The following FAM178B variants were observed in gnomAD, a reference collection of about 807,000 sequenced individuals.
FAM178B encodes family with sequence similarity 178 member B.
Under a neutral mutation model 91.7 loss-of-function variants are expected in FAM178B, and 82 were observed. That is an observed-to-expected ratio of 0.89 (90% CI 0.75 to 1.07). The LOEUF is 1.07. Among genes scored for constraint, FAM178B ranks in the 50% least tolerant of loss-of-function variants. The pLI, the probability that FAM178B is intolerant of heterozygous loss-of-function variation, is 0.00. For synonymous variants in FAM178B, 368 were observed against 359.4 expected (o/e 1.02, Z -0.27); for missense variants, 769 against 846.7 (o/e 0.91, Z 1.14).
rs2082424303 is a variant in FAM178B at position 96,986,364 on chromosome 2, A to G, written c.-51T>C. ...GTGAGGGAGGGTGGCGGGAATTCGCACGGCCTCAGAGGACGGGGCCAGCTA... is the reference window on the plus strand; with the variant it reads ...GTGAGGGAGGGTGGCGGGAATTCGCGCGGCCTCAGAGGACGGGGCCAGCTA... On this transcript the variant is annotated 5_prime_UTR_variant, in exon 1 of 17. Coordinates refer to ENST00000490605, the MANE Select transcript of FAM178B (RefSeq NM_001122646.3). 1 of 1,524,588 alleles carries G rather than the reference A, an allele frequency of 6.6e-7. No homozygotes were observed. Among genetic ancestry groups the G allele is most frequent in the South Asian group, 1.2e-5 (1 of 82,962 alleles). The allele number at this position is 1,524,588 out of a possible 1,614,324, so 94.4% of individuals were successfully genotyped here. A position where few individuals can be genotyped will look rare whatever the true frequency, so the allele number is the denominator to read the frequency against.
intron 10 of FAM178B, 56 bp from the exon 11 acceptor site, chr2:96,921,710 T>G: frequency 6.6e-7 from 1 of 1,508,782 alleles, no homozygotes; most frequent in Non-Finnish European, 9.0e-7. Context: ...GGGAGAGTAC[T>G]TCGAGGACCA....
chr2:96,965,858 C>T lies in FAM178B; in HGVS notation c.734+1662G>A, dbSNP rs576418472. Reference sequence around the variant, plus strand: ...TTTGAGTCCTCTCTTACTCCTAGACCTTCCATCCATTTGTCAGCAAATCCT... The same window carrying T: ...TTTGAGTCCTCTCTTACTCCTAGACTTTCCATCCATTTGTCAGCAAATCCT... On this transcript the variant is annotated intron_variant, in intron 5 of 16. Transcript: ENST00000490605. 5.3e-4 allele frequency among the ~76,000 whole-genome samples: 80 copies of T among 152,196 alleles called. 1 individual carries two copies. Among genetic ancestry groups the T allele is most frequent in the South Asian group, 1.7e-3 (8 of 4,822 alleles).
intron 14 of FAM178B, among the ~76,000 whole-genome samples, chr2:96,884,940 G>A (rs936750730): frequency 6.6e-6 from 1 of 152,250 alleles, no homozygotes; most frequent in Non-Finnish European, 1.5e-5. Context: ...ACTAGGAAAT[G>A]AGGCGGGTGA....
chr2:96,914,805 A>T (rs770736237), intron 12 of FAM178B, among the ~76,000 whole-genome samples: 6 of 152,136 alleles, frequency 3.9e-5, no homozygotes, highest in Non-Finnish European at 8.8e-5. Context: ...CAGGAGGATC[A>T]CTTAAGCCCA....
At chr2:96,927,215 C>G (rs562871420) in intron 9 of FAM178B, among the ~76,000 whole-genome samples, 2 of 152,290 alleles carry the variant, frequency 1.3e-5, no homozygotes, top group South Asian at 4.1e-4. Flanking sequence ...GCCCAGGAAA[C>G]CTACCCAGGC....
intron 1 of FAM178B, among the ~76,000 whole-genome samples, chr2:96,974,820 T>TG (rs1475466448): frequency 6.6e-6 from 1 of 152,142 alleles, no homozygotes; most frequent in African/African-American, 2.4e-5. Context: ...CCAGGAGCAG[T>TG]GGCTCACACC....
chr2:96,946,829 A>C (rs951175531), intron 8 of FAM178B, among the ~76,000 whole-genome samples: 1 of 152,246 alleles, frequency 6.6e-6, no homozygotes, highest in Non-Finnish European at 1.5e-5. Context: ...GGGAGAGGGC[A>C]CTGAGACTGG....
Position 96,894,019 on chromosome 2 carries a change from C to T in FAM178B, c.1683G>A (p.Met561Ile), listed in dbSNP as rs2153368572. Residue 561 changes from methionine to isoleucine, a missense_variant, in exon 14 of 17, where the codon ATG becomes ATA. Transcript: ENST00000490605. ...LSSLSRLLGLMRPSSLRQYLD... is the reference protein window; with the variant it reads ...LSSLSRLLGLIRPSSLRQYLD... ...GGTATTGCCTGAGAGATGATGGCCT[C>T]ATGAGGCCCAGGAGCCGGCTGAGCG... 1.9e-6 allele frequency: 3 copies of T among 1,612,240 alleles called. No homozygotes were observed. In the East Asian group the frequency reaches 6.7e-5, roughly 36 times the overall value.
intron 12 of FAM178B, among the ~76,000 whole-genome samples, chr2:96,905,818 G>GTGTATATA (rs1260782317): frequency 2.6e-4 from 9 of 34,192 alleles, no homozygotes; most frequent in East Asian, 1.0e-3. Context: ...ATATATGTGT[G>GTGTATATA]TATATATATA....
chr2:96,968,077 C>A (rs1257010), intron 4 of FAM178B, among the ~76,000 whole-genome samples: 80,387 of 151,426 alleles, frequency 0.53, 27,446 homozygotes, highest in Non-Finnish European at 0.76. Flanking sequence ...GGCAAGCACT[C>A]GGATTCGTTC....
chr2:96,953,791 C>G (rs1178122806), intron 6 of FAM178B, among the ~76,000 whole-genome samples: 1 of 152,230 alleles, frequency 6.6e-6, no homozygotes, highest in Non-Finnish European at 1.5e-5. Context: ...GGCTCAGCCA[C>G]AAGCCCTTCC....
intron 4 of FAM178B, among the ~76,000 whole-genome samples, 192 bp from the exon 5 acceptor site, chr2:96,967,819 T>C (rs1208697523): frequency 6.6e-6 from 1 of 151,822 alleles, no homozygotes; most frequent in Non-Finnish European, 1.5e-5. Context: ...AGACTGTGCT[T>C]TCCCCAAATG....
chr2:96,969,627 T>C (rs2082190213), intron 4 of FAM178B, among the ~76,000 whole-genome samples: 1 of 152,198 alleles, frequency 6.6e-6, no homozygotes, highest in South Asian at 2.1e-4. Flanking sequence ...GCCAATATTT[T>C]CAAGCGTCTA....
At position 96,935,569 on chromosome 2, in the gene FAM178B, A is replaced by G. The variant is rs117870279; in HGVS notation, c.1079-6249T>C. Among the ~76,000 whole-genome samples the G allele has an allele frequency of 2.8e-3, 424 of 152,012 alleles. 19 individuals are homozygous for G. In the East Asian group the frequency reaches 0.05, roughly 18 times the overall value. ...GTTGAGACTGGTTTAGACTCAACCT[A>G]AGAGTTTCCCAGTAATGTCCCTAAA... is the stretch of plus-strand genomic sequence containing the variant. On this transcript the variant is annotated intron_variant, in intron 8 of 16. Coordinates refer to ENST00000490605, the MANE Select transcript of FAM178B (RefSeq NM_001122646.3).
At position 96,878,458 on chromosome 2, in the gene FAM178B, G is replaced by A. The variant is rs772401402; in HGVS notation, c.1812C>T (p.Ala604=). The change falls in exon 15 of 17, where the codon GCC becomes GCT. Residue 604 remains alanine, a synonymous_variant. Transcript: ENST00000490605. The part of the protein sequence containing the change: ...CYLCHSLLML[A]GVVVSCQDIT... ...TGTCCTGGCAGCTAACAACTACCCCGGCCAGCATCAGCAAGCTGTGGCACA... is the reference window on the plus strand; with the variant it reads ...TGTCCTGGCAGCTAACAACTACCCCAGCCAGCATCAGCAAGCTGTGGCACA... 3.9e-5 allele frequency: 63 copies of A among 1,613,898 alleles called. No homozygotes were observed. Among genetic ancestry groups the A allele is most frequent in the Middle Eastern group, 1.7e-4 (1 of 6,052 alleles).
intron 6 of FAM178B, among the ~76,000 whole-genome samples, chr2:96,955,327 A>G (rs909043537): frequency 1.3e-5 from 2 of 152,070 alleles, no homozygotes; most frequent in African/African-American, 4.8e-5. Context: ...TGGCTAACAC[A>G]GTGAAACCCC....
In FAM178B at chr2:96,960,225, C is replaced by A. The variant is rs1574305146; in HGVS notation, c.887+63G>T. 5 of 1,528,694 alleles carry A rather than the reference C, an allele frequency of 3.3e-6. No homozygotes were observed. In the East Asian group the frequency reaches 9.9e-5, roughly 30 times the overall value. 94.7% of individuals were successfully genotyped at this position (1,528,694 alleles called of 1,614,324 possible). The stretch of plus-strand genomic sequence containing the variant: ...CTTTGGGGTGGCCCTTATCCCTGGA[C>A]TCCAGGAGGGAGGGGTCCTGGACAG... On this transcript the variant is annotated intron_variant, in intron 6 of 16. Coordinates refer to ENST00000490605, the MANE Select transcript of FAM178B (RefSeq NM_001122646.3).
chr2:96,953,112 T>C (rs2081952339), intron 6 of FAM178B, among the ~76,000 whole-genome samples: 1 of 152,208 alleles, frequency 6.6e-6, no homozygotes, highest in African/African-American at 2.4e-5. Flanking sequence ...AGAAAGCAGC[T>C]TTGTTCCTGT....
intron 14 of FAM178B, among the ~76,000 whole-genome samples, chr2:96,890,567 A>G (rs189794764): frequency 6.6e-6 from 1 of 152,350 alleles, no homozygotes; most frequent in East Asian, 1.9e-4. Context: ...TATACAAGTC[A>G]GCTACGAGGA....
Sources: gnomAD v4.1 joint callset for allele counts (sites outside exome capture counted in the v4.1 genomes callset) on GRCh38, gnomAD v4.1.1 for gene constraint, MANE v1.5 for transcripts, NCBI Gene and HGNC (gene_info 2026-07-23, HGNC 2026-07-21) for gene names.